SS18: variants seen among roughly 807,000 people sequenced by gnomAD.
SS18 encodes the protein SS18 subunit of BAF chromatin remodeling complex.
A neutral mutation model predicts 72.5 loss-of-function variants in SS18; 28 were observed. The ratio of observed to expected loss-of-function variants is 0.39; its 90% CI spans 0.29 to 0.53. The LOEUF (loss-of-function observed/expected upper bound fraction) is 0.53. Ranked by LOEUF, SS18 falls within the 20% of genes least tolerant of loss-of-function variation. The pLI, the probability that SS18 is intolerant of heterozygous loss-of-function variation, is 0.76. For synonymous variants in SS18, 172 were observed against 164.2 expected, an observed-to-expected ratio of 1.05 and a Z score of -0.37; for missense variants, 518 against 535.3, an observed-to-expected ratio of 0.97 and a Z score of 0.32.
chr18:26,082,070 C>T (rs76975910), intron 2 of SS18, among the ~76,000 whole-genome samples: 35 of 145,408 alleles, frequency 2.4e-4, no homozygotes, highest in Non-Finnish European at 4.6e-4. Context: ...AAAAACAAAA[C>T]AAAAAAAAAG....
chr18:26,019,737 G>A lies in SS18; in HGVS notation c.1231-1357C>T, dbSNP rs183817806. On this transcript the variant is annotated intron_variant, in intron 10 of 10. Coordinates refer to ENST00000415083, the MANE Select transcript of SS18 (RefSeq NM_001007559.3). The stretch of plus-strand genomic sequence containing the variant: ...GAGGCAAGAGAATTGCATGAACCCA[G>A]AAGGCGGAGGTTGCACTGCACTCTA... Among the ~76,000 whole-genome samples the A allele has an allele frequency of 1.6e-3, 194 of 124,826 alleles. 1 individual carries two copies. The highest frequency in any genetic ancestry group is 5.2e-3 in the African/African-American group (173 of 33,170). 81.9% of individuals were successfully genotyped at this position (124,826 alleles called of 152,430 possible).
chr18:26,023,918 T>TTG (rs2053399051), intron 10 of SS18, among the ~76,000 whole-genome samples: 1 of 135,796 alleles, frequency 7.4e-6, no homozygotes, highest in South Asian at 2.1e-4. Flanking sequence ...GTGGGGTTTA[T>TTG]AACGTATACA....
intron 3 of SS18, among the ~76,000 whole-genome samples, chr18:26,062,479 T>C (rs1318337672): frequency 6.6e-6 from 1 of 152,082 alleles, no homozygotes; most frequent in Non-Finnish European, 1.5e-5. Context: ...TAGAAAAAAT[T>C]ATGCTTGATT....
chr18:26,087,792 A>G (rs995739153), intron 1 of SS18, among the ~76,000 whole-genome samples: 1 of 152,218 alleles, frequency 6.6e-6, no homozygotes, highest in African/African-American at 2.4e-5. Flanking sequence ...TTTCCTTAAA[A>G]TGACTTTGTT....
At position 26,020,182 on chromosome 18, in the gene SS18, C is replaced by A. The variant is rs554346060; in HGVS notation, c.1231-1802G>T. 2.0e-5 allele frequency among the ~76,000 whole-genome samples: 3 copies of A among 152,224 alleles called. No homozygotes were observed. In the East Asian group the frequency reaches 5.8e-4, roughly 29 times the overall value. Reference sequence around the variant, plus strand: ...GTTTAAGTTCCAACTCTATTGCTAACTTCTTATTTGAGTCTAAAAAAACCT... The same window carrying A: ...GTTTAAGTTCCAACTCTATTGCTAAATTCTTATTTGAGTCTAAAAAAACCT... On this transcript the variant is annotated intron_variant, in intron 10 of 10. Coordinates refer to ENST00000415083, the MANE Select transcript of SS18 (RefSeq NM_001007559.3).
intron 3 of SS18, chr18:26,068,220 GA>G (rs2054253199): frequency 6.6e-6 from 1 of 152,060 alleles, no homozygotes; most frequent in African/African-American, 2.4e-5. Context: ...GAAATTTTAA[GA>G]AAAGTTATTT....
chr18:26,039,654 C>A (rs934007392), intron 5 of SS18, among the ~76,000 whole-genome samples, 198 bp from the exon 6 acceptor site: 4 of 152,010 alleles, frequency 2.6e-5, no homozygotes, highest in African/African-American at 9.6e-5. Context: ...AGAAAATAAC[C>A]AATCCATGGT....
chr18:26,068,088 C>T (rs1332174470), intron 3 of SS18, among the ~76,000 whole-genome samples: 1 of 152,142 alleles, frequency 6.6e-6, no homozygotes, highest in African/African-American at 2.4e-5. Context: ...TAACCTCCTG[C>T]TTTGCAGCCC....
intron 10 of SS18, among the ~76,000 whole-genome samples, chr18:26,030,254 A>T (rs933430571): frequency 6.6e-6 from 1 of 152,160 alleles, no homozygotes; most frequent in African/African-American, 2.4e-5. Flanking sequence ...TTACTGAACT[A>T]CACACGGTTT....
chr18:26,075,671 C>G (rs956357350), intron 3 of SS18, among the ~76,000 whole-genome samples: 1 of 151,878 alleles, frequency 6.6e-6, no homozygotes, highest in Non-Finnish European at 1.5e-5. Flanking sequence ...AGATCAGGAA[C>G]AAGACAAGGA....
chr18:26,082,546 A>C, intron 2 of SS18: 1 of 981,534 alleles, frequency 1.0e-6, no homozygotes, highest in Non-Finnish European at 1.2e-6. Context: ...GCAAAAAATA[A>C]GAAATGATTT....
intron 5 of SS18, among the ~76,000 whole-genome samples, chr18:26,047,643 C>T (rs1323297045): frequency 6.6e-6 from 1 of 152,052 alleles, no homozygotes; most frequent in South Asian, 2.1e-4. Flanking sequence ...AGATTGAGAC[C>T]ATCCTGGCTA....
intron 3 of SS18, among the ~76,000 whole-genome samples, chr18:26,062,023 G>A (rs980885302): frequency 1.3e-5 from 2 of 152,162 alleles, no homozygotes; most frequent in South Asian, 4.1e-4. Flanking sequence ...CACTTTGGAA[G>A]GCCGAGGTGG....
intron 5 of SS18, among the ~76,000 whole-genome samples, chr18:26,043,528 AATTT>A (rs1364077299): frequency 2.0e-5 from 3 of 152,186 alleles, no homozygotes; most frequent in East Asian, 1.9e-4. Context: ...TATTTCTAAT[AATTT>A]ATTTGCAAGA....
At chr18:26,063,763 C>A (rs1369307360) in intron 3 of SS18, among the ~76,000 whole-genome samples, 1 of 151,696 alleles carries the variant, frequency 6.6e-6, no homozygotes, top group Non-Finnish European at 1.5e-5. Flanking sequence ...CAAATCAAAC[C>A]CAAAGTAGTA....
At position 26,038,331 on chromosome 18, in the gene SS18, G is replaced by A. The variant is rs540169707; in HGVS notation, c.880+224C>T. Among the ~76,000 whole-genome samples, 10 of 152,188 alleles carry A rather than the reference G, an allele frequency of 6.6e-5. No individual in the cohort carries two copies. The South Asian group carries it at 2.1e-3, about 32-fold the overall frequency. On this transcript the variant is annotated intron_variant, in intron 7 of 10. Transcript: ENST00000415083. ...GATCCTTTTACATAAGGATTCCAAT[G>A]ACAGACTGTGATTCCTGATGGTACT...
chr18:26,020,951 A>G lies in SS18; in HGVS notation c.1231-2571T>C, dbSNP rs115327722. 2.9e-3 allele frequency among the ~76,000 whole-genome samples: 449 copies of G among 152,300 alleles called. 5 individuals carry two copies. Among genetic ancestry groups the G allele is most frequent in the African/African-American group, 0.01 (423 of 41,560 alleles). ...GTAGAAGCTAATAATATACCCTGATAATAATACCTCAGTTTGTGTCACATA... is the reference window on the plus strand; with the variant it reads ...GTAGAAGCTAATAATATACCCTGATGATAATACCTCAGTTTGTGTCACATA... On this transcript the variant is annotated intron_variant, in intron 10 of 10. Coordinates refer to ENST00000415083, the MANE Select transcript of SS18 (RefSeq NM_001007559.3).
intron 10 of SS18, among the ~76,000 whole-genome samples, chr18:26,019,367 C>T (rs753096729): frequency 7.9e-5 from 12 of 152,122 alleles, no homozygotes; most frequent in Non-Finnish European, 1.6e-4. Flanking sequence ...CACGTCACAA[C>T]AATATAACTC....
At position 26,050,902 on chromosome 18, in the gene SS18, C is replaced by T. The variant is rs927341144; in HGVS notation, c.607+1722G>A. ...CCAGCCTGGGCAACAGAGCCAGACG[C>T]CGTCTCAAAATAAATAAATAAATAA... On this transcript the variant is annotated intron_variant, in intron 5 of 10. Transcript: ENST00000415083. 9.6e-5 allele frequency among the ~76,000 whole-genome samples: 14 copies of T among 145,476 alleles called. No individual in the cohort carries two copies. The East Asian group carries it at 1.9e-3, about 20-fold the overall frequency.
Sources: allele counts gnomAD v4.1 joint callset (sites outside exome capture counted in the v4.1 genomes callset), GRCh38; gene constraint gnomAD v4.1.1; transcripts MANE v1.5; gene names NCBI Gene and HGNC (gene_info 2026-07-23, HGNC 2026-07-21).